NCAPH: variants seen among roughly 807,000 people sequenced by gnomAD.
The protein encoded by NCAPH is non-SMC condensin I complex subunit H, also known as condensin complex subunit 2.
Under a neutral mutation model 85.5 loss-of-function variants are expected in NCAPH, and 38 were observed. That is an observed-to-expected ratio of 0.44 (90% CI 0.34 to 0.58). NCAPH has a LOEUF of 0.58. Ranked by LOEUF, NCAPH falls within the 20% of genes least tolerant of loss-of-function variation. NCAPH has a pLI of 0.01. For synonymous variants in NCAPH, 301 were observed against 335.1 expected (o/e 0.90, Z 1.11); for missense variants, 789 against 916.6 (o/e 0.86, Z 1.80).
In NCAPH at chr2:96,335,858, G is replaced by GCGGT. The variant is rs1303650759; in HGVS notation, c.19+14_19+17dup. 2 of 1,485,410 alleles carry GCGGT rather than the reference G, an allele frequency of 1.3e-6. No individual in the cohort carries two copies. Among genetic ancestry groups the GCGGT allele is most frequent in the Non-Finnish European group, 1.8e-6 (2 of 1,121,326 alleles). The allele number at this position is 1,485,410 out of a possible 1,614,324, so 92.0% of individuals were successfully genotyped here. On this transcript the variant is annotated intron_variant, in intron 1 of 17. Coordinates refer to ENST00000240423, the MANE Select transcript of NCAPH (RefSeq NM_015341.5). ...GGACCTCCCGGCCCAGGTGAGCCGG[G>GCGGT]CGGTCGGGAGGCGCGGCGGGAAGGG...
chr2:96,354,675 G>C (rs1187746956), intron 9 of NCAPH, among the ~76,000 whole-genome samples: 1 of 152,134 alleles, frequency 6.6e-6, no homozygotes, highest in Non-Finnish European at 1.5e-5. Context: ...TTTGATGTCT[G>C]ATTGGCTGGG....
At position 96,376,643 on chromosome 2, in the gene NCAPH, C is replaced by A. The variant is rs2064834518; in HGVS notation, c.*3292C>A. Among the ~76,000 whole-genome samples, 2 of 152,154 alleles carry A rather than the reference C, an allele frequency of 1.3e-5. No homozygotes were observed. The highest frequency in any genetic ancestry group is 2.4e-5 in the African/African-American group (1 of 41,434). On this transcript the variant is annotated 3_prime_UTR_variant, in exon 18 of 18. Coordinates refer to ENST00000240423, the MANE Select transcript of NCAPH (RefSeq NM_015341.5). ...AGGATACTGGGTCATTTCAACACCA[C>A]AAGGATTTGCAGCATCTGCGGCAAC...
intron 3 of NCAPH, among the ~76,000 whole-genome samples, chr2:96,342,451 C>G (rs1558789562): frequency 6.6e-6 from 1 of 152,214 alleles, no homozygotes; most frequent in African/African-American, 2.4e-5. Flanking sequence ...TCCGTGTCCT[C>G]TGGAGAATGG....
In NCAPH at chr2:96,373,323, C is replaced by G. The variant is rs775922792; in HGVS notation, c.2198C>G (p.Ser733Cys). 1.2e-6 allele frequency: 2 copies of G among 1,614,018 alleles called. No individual in the cohort carries two copies. Among genetic ancestry groups the G allele is most frequent in the Non-Finnish European group, 1.7e-6 (2 of 1,179,946 alleles). The part of the protein sequence containing the change: ...NLKLEGTEDL[S>C]DVLVRQGD ...AAACTGGAAGGAACAGAGGACCTCT[C>G]TGATGTTCTTGTGAGGCAAGGAGAT... The change falls in exon 18 of 18, where the codon TCT (serine) becomes TGT (cysteine). Residue 733 changes from serine to cysteine, a missense_variant. Physicochemically the swap from Ser to Cys is moderately radical, Grantham distance 112. Transcript: ENST00000240423.
Position 96,373,333 on chromosome 2 carries a change from T to C in NCAPH, c.2208T>C (p.Leu736=). The C allele has an allele frequency of 6.2e-7, 1 of 1,613,962 alleles. No homozygotes were observed. Among genetic ancestry groups the C allele is most frequent in the East Asian group, 2.2e-5 (1 of 44,868 alleles). Residue 736 remains leucine (L), a synonymous_variant, in exon 18 of 18, where the codon CTT becomes CTC. Transcript: ENST00000240423. ...LEGTEDLSDV[L]VRQGD Reference sequence around the variant, plus strand: ...GAACAGAGGACCTCTCTGATGTTCTTGTGAGGCAAGGAGATTGAGTTCACT... The same window carrying C: ...GAACAGAGGACCTCTCTGATGTTCTCGTGAGGCAAGGAGATTGAGTTCACT...
Position 96,338,755 on chromosome 2 carries a change from T to C in NCAPH, c.20-2887T>C, listed in dbSNP as rs78659514. On this transcript the variant is annotated intron_variant, in intron 1 of 17. Transcript: ENST00000240423. ...GATCCTCCTCTCAAAGCCTCCAGAA[T>C]GAATGTAACCCTCCACAGCTGCAAG... Among the ~76,000 whole-genome samples, 244 of 152,312 alleles carry C rather than the reference T, an allele frequency of 1.6e-3. 5 individuals are homozygous for C. In the East Asian group the frequency reaches 0.037, roughly 23 times the overall value.
chr2:96,366,593 T>C (rs2064702332), intron 14 of NCAPH, among the ~76,000 whole-genome samples: 1 of 152,190 alleles, frequency 6.6e-6, no homozygotes, highest in Non-Finnish European at 1.5e-5. Flanking sequence ...CAAAGAGAGC[T>C]CTGGGCTGGG....
chr2:96,347,449 G>A (rs1444121194), intron 6 of NCAPH, among the ~76,000 whole-genome samples: 2 of 152,138 alleles, frequency 1.3e-5, no homozygotes, highest in Non-Finnish European at 2.9e-5. Flanking sequence ...CTAGCCTCTA[G>A]GAAACAGTTT....
Position 96,343,266 on chromosome 2 carries a change from A to G in NCAPH, c.557A>G (p.Asp186Gly), listed in dbSNP as rs2064319710. Residue 186 changes from aspartate (D) to glycine (G), a missense_variant, in exon 5 of 18, where the codon GAT becomes GGT. Transcript: ENST00000240423. ...VYRVLGGLGK[D>G]APSLEEVEGH... ...AGAGTCCTTGGGGGGCTGGGCAAAG[A>G]TGCACCGTCTTTGGAAGAAGTAGAA... The G allele has an allele frequency of 6.2e-7, 1 of 1,613,488 alleles. No individual in the cohort carries two copies. The highest frequency in any genetic ancestry group is 1.3e-5 in the African/African-American group (1 of 74,906).
intron 13 of NCAPH, 100 bp downstream of exon 13, chr2:96,364,691 A>G (rs1427122601): frequency 1.2e-6 from 1 of 838,644 alleles, no homozygotes; most frequent in Non-Finnish European, 1.9e-6. Flanking sequence ...ACTGTTGGCA[A>G]TTTTGAATCC....
intron 10 of NCAPH, among the ~76,000 whole-genome samples, chr2:96,359,921 C>T (rs2064581485): frequency 6.6e-6 from 1 of 152,198 alleles, no homozygotes; most frequent in Non-Finnish European, 1.5e-5. Context: ...CTGCACCTGG[C>T]CAAGCATATG....
chr2:96,377,017 A>G lies in NCAPH; in HGVS notation c.*3666A>G, dbSNP rs370049849. Reference sequence around the variant, plus strand: ...TTGCATGCCTGTATCAAAATATCTCATGTACCCCATAAATATATGCACCTA... The same window carrying G: ...TTGCATGCCTGTATCAAAATATCTCGTGTACCCCATAAATATATGCACCTA... On this transcript the variant is annotated 3_prime_UTR_variant, in exon 18 of 18. Coordinates refer to ENST00000240423, the MANE Select transcript of NCAPH (RefSeq NM_015341.5). 3.3e-5 allele frequency among the ~76,000 whole-genome samples: 5 copies of G among 152,000 alleles called. No individual in the cohort carries two copies. Among genetic ancestry groups the G allele is most frequent in the African/African-American group, 1.2e-4 (5 of 41,452 alleles).
At chr2:96,363,987 A>T (rs2064661891) in intron 12 of NCAPH, among the ~76,000 whole-genome samples, 1 of 151,900 alleles carries the variant, frequency 6.6e-6, no homozygotes, top group Non-Finnish European at 1.5e-5. Context: ...TTTTGTAGAG[A>T]TGGGGTCTCA....
chr2:96,373,253 C>T (rs374363617), intron 17 of NCAPH, 39 bp from the exon 18 acceptor site: 117 of 1,541,118 alleles, frequency 7.6e-5, no homozygotes, highest in Middle Eastern at 1.7e-4. Flanking sequence ...TTTTATTCTC[C>T]GTATACCAAA....
At chr2:96,338,487 A>G (rs1400049769) in intron 1 of NCAPH, among the ~76,000 whole-genome samples, 2 of 152,182 alleles carry the variant, frequency 1.3e-5, no homozygotes, top group Non-Finnish European at 2.9e-5. Flanking sequence ...GGTGTCCAGA[A>G]CCTGTGAATA....
chr2:96,361,207 C>T (rs531154142), intron 12 of NCAPH, among the ~76,000 whole-genome samples: 4 of 151,932 alleles, frequency 2.6e-5, no homozygotes, highest in African/African-American at 7.2e-5. Flanking sequence ...TGCCACCATA[C>T]CCAGTGAATT....
Position 96,360,227 on chromosome 2 carries a change from A to T in NCAPH, c.1442A>T (p.Asp481Val). 1.3e-6 allele frequency: 2 copies of T among 1,526,924 alleles called. No individual in the cohort carries two copies. Among genetic ancestry groups the T allele is most frequent in the Non-Finnish European group, 1.8e-6 (2 of 1,104,820 alleles). The allele number at this position is 1,526,924 out of a possible 1,614,324, so 94.6% of individuals were successfully genotyped here. ...GACTTTGAAGATGATATTGACTTTG[A>T]TGTATATTTTAGAAAAACAAAGGTT... ...EIDFEDDIDF[D>V]VYFRKTKAAT... Residue 481 changes from aspartate to valine, a missense_variant, in exon 11 of 18, where the codon GAT becomes GTT. Coordinates refer to ENST00000240423, the MANE Select transcript of NCAPH (RefSeq NM_015341.5).
At chr2:96,361,794 GTA>G (rs1342452459) in intron 12 of NCAPH, among the ~76,000 whole-genome samples, 12 of 89,860 alleles carry the variant, frequency 1.3e-4, no homozygotes, top group East Asian at 9.0e-4. Flanking sequence ...ACATATATAT[GTA>G]TATATATGTG....
intron 9 of NCAPH, 84 bp downstream of exon 9, chr2:96,354,472 A>T (rs955250820): frequency 1.5e-5 from 18 of 1,202,684 alleles, no homozygotes; most frequent in Admixed American, 6.8e-5. Flanking sequence ...TAATTAAAAA[A>T]TTTTTCTTTC....
Sources: gnomAD v4.1 joint callset for allele counts (sites outside exome capture counted in the v4.1 genomes callset) on GRCh38, gnomAD v4.1.1 for gene constraint, MANE v1.5 for transcripts, NCBI Gene and HGNC (gene_info 2026-07-23, HGNC 2026-07-21) for gene names.